PATZ1: variants seen among roughly 807,000 people sequenced by gnomAD.
PATZ1 encodes the protein POZ/BTB and AT hook containing zinc finger 1, also known as POZ-, AT hook-, and zinc finger-containing protein 1.
Under a neutral mutation model 46.2 loss-of-function variants are expected in PATZ1, and 9 were observed. The observed-to-expected ratio is 0.19, with a 90% CI of 0.12 to 0.34. The LOEUF (loss-of-function observed/expected upper bound fraction) is 0.34, where lower values mean the gene tolerates loss of function less well. Ranked by LOEUF, PATZ1 falls within the 10% of genes least tolerant of loss-of-function variation. The pLI, the probability that PATZ1 is intolerant of heterozygous loss-of-function variation, is 1.00. For missense variants in PATZ1, 632 were observed against 923.0 expected, an observed-to-expected ratio of 0.68 and a Z score of 4.08; for synonymous variants, 426 against 378.6, an observed-to-expected ratio of 1.13 and a Z score of -1.45.
chr22:31,331,032 G>A (rs2049434511), intron 3 of PATZ1, among the ~76,000 whole-genome samples: 1 of 152,210 alleles, frequency 6.6e-6, no homozygotes, highest in Non-Finnish European at 1.5e-5. Context: ...GTCTAGACCA[G>A]GTGCTGGTGT....
Position 31,345,108 on chromosome 22 carries a change from T to C in PATZ1, c.495A>G (p.Val165=). The change falls in exon 1 of 5, where the codon GTA becomes GTG. Residue 165 remains valine (V), a synonymous_variant. Coordinates refer to ENST00000266269, the MANE Select transcript of PATZ1 (RefSeq NM_014323.3). The surrounding 1 kb of genome is among the most constrained non-coding windows in gnomAD (Gnocchi z 7.4). ...GCATTATATCGGCGCGGGCAGGGGG[T>C]ACCAGGATCTGTACGTTGGACTGTT... ...VIKQSNVQIL[V]PPARADIMLF... is the part of the protein sequence containing the mutation. 3 of 1,614,036 alleles carry C rather than the reference T, an allele frequency of 1.9e-6. No individual in the cohort carries two copies. The highest frequency in any genetic ancestry group is 2.5e-6 in the Non-Finnish European group (3 of 1,180,000).
intron 2 of PATZ1, among the ~76,000 whole-genome samples, chr22:31,336,388 CA>C (rs1292559970): frequency 1.3e-5 from 2 of 152,122 alleles, no homozygotes; most frequent in Admixed American, 6.6e-5. Context: ...AAAGGCAGGA[CA>C]AAGTGCAGAG....
In PATZ1 at chr22:31,325,893, T is replaced by C. The variant is rs2049366440; in HGVS notation, c.*998A>G. The C allele has an allele frequency of 4.8e-6, 1 of 209,820 alleles. No homozygotes were observed. The allele number at this position is 209,820 out of a possible 1,614,324, so 13.0% of individuals were successfully genotyped here. On this transcript the variant is annotated 3_prime_UTR_variant, in exon 5 of 5. Coordinates refer to ENST00000266269, the MANE Select transcript of PATZ1 (RefSeq NM_014323.3). ...TGGGCTTGCTCACATGTGACACAAC[T>C]GAGGTACACAATGTCCCTACCTGCC... is the stretch of plus-strand genomic sequence containing the variant.
At chr22:31,336,557 C>T (rs2049512031) in intron 2 of PATZ1, among the ~76,000 whole-genome samples, 2 of 151,992 alleles carry the variant, frequency 1.3e-5, no homozygotes, top group African/African-American at 2.4e-5. Context: ...GTAATCCCAG[C>T]GCTTTGGGAG....
chr22:31,342,890 C>T lies in PATZ1; in HGVS notation c.1335+7G>A. 6.2e-7 allele frequency: 1 copy of T among 1,613,860 alleles called. No homozygotes were observed. Among genetic ancestry groups the T allele is most frequent in the Non-Finnish European group, 8.5e-7 (1 of 1,179,812 alleles). On this transcript the variant is annotated splice_region_variant and intron_variant, in intron 2 of 4. Transcript: ENST00000266269. ...TCAGCCCATCTCTGCCCTGACCCAG[C>T]CCCTACCTGACACTTGTGAGGCCGC... is the stretch of plus-strand genomic sequence containing the variant.
chr22:31,339,085 G>A (rs2049548267), intron 2 of PATZ1, among the ~76,000 whole-genome samples: 1 of 152,128 alleles, frequency 6.6e-6, no homozygotes, highest in Non-Finnish European at 1.5e-5. Context: ...GTCATGCTTT[G>A]CTACCTAAAG....
Position 31,343,222 on chromosome 22 carries a change from C to T in PATZ1, c.1272-262G>A. 8.2e-6 allele frequency: 10 copies of T among 1,225,360 alleles called. No individual in the cohort carries two copies. In the South Asian group the frequency reaches 1.8e-4, roughly 22 times the overall value. 75.9% of individuals were successfully genotyped at this position (1,225,360 alleles called of 1,614,324 possible). ...TGCCTCCCCACTCCCTCAATTCTCC[C>T]CACCAGAAACTCAGTGTTTTCTAGG... On this transcript the variant is annotated intron_variant, in intron 1 of 4. Transcript: ENST00000266269.
Position 31,345,335 on chromosome 22 carries a change from C to T in PATZ1, c.268G>A (p.Ala90Thr). 5.0e-6 allele frequency: 8 copies of T among 1,609,396 alleles called. No individual in the cohort carries two copies. Among genetic ancestry groups the T allele is most frequent in the Non-Finnish European group, 6.8e-6 (8 of 1,177,376 alleles). Reference protein sequence around the residue: ...ADGGPADVGGATAAPGGGAGG... With the variant: ...ADGGPADVGGTTAAPGGGAGG... ...GCCCCGCCGCCTGGTGCTGCCGTCG[C>T]GCCCCCTACATCAGCCGGACCCCCG... Residue 90 changes from alanine (A) to threonine (T), a missense_variant, in exon 1 of 5, where the codon GCG becomes ACG. Physicochemically the swap from Ala to Thr is moderately conservative, Grantham distance 58. Transcript: ENST00000266269. The surrounding 1 kb of genome is among the most constrained non-coding windows in gnomAD (Gnocchi z 7.4).
At position 31,328,542 on chromosome 22, in the gene PATZ1, A is replaced by G. The variant is rs1264771725; in HGVS notation, c.1645+245T>C. On this transcript the variant is annotated intron_variant, in intron 4 of 4. Coordinates refer to ENST00000266269, the MANE Select transcript of PATZ1 (RefSeq NM_014323.3). The surrounding 1 kb of genome is among the most constrained non-coding windows in gnomAD (Gnocchi z 4.8). ...AGACAGTGGGGGCTGGCCAGGAGGA[A>G]AGGAGGAGGGCTGGGGAAGAGGAGG... Among the ~76,000 whole-genome samples, 1 of 152,142 alleles carries G rather than the reference A, an allele frequency of 6.6e-6. No individual in the cohort carries two copies. Among genetic ancestry groups the G allele is most frequent in the Admixed American group, 6.5e-5 (1 of 15,268 alleles).
intron 2 of PATZ1, 79 bp downstream of exon 2, chr22:31,342,818 G>A (rs2049599661): frequency 7.3e-6 from 11 of 1,510,528 alleles, no homozygotes; most frequent in Admixed American, 3.5e-5. Flanking sequence ...CCCGGCACAC[G>A]CAGCGGCTGG....
intron 2 of PATZ1, among the ~76,000 whole-genome samples, chr22:31,338,324 G>A (rs764369116): frequency 6.6e-6 from 1 of 152,222 alleles, no homozygotes; most frequent in Non-Finnish European, 1.5e-5. Context: ...ATTCAGGAGA[G>A]GGAGCTTCTG....
chr22:31,332,305 G>A (rs2049453678), intron 3 of PATZ1, among the ~76,000 whole-genome samples: 1 of 152,200 alleles, frequency 6.6e-6, no homozygotes, highest in African/African-American at 2.4e-5. Flanking sequence ...CAGAAGCTGA[G>A]CTTCTGAGCA....
rs528861527 is a variant in PATZ1, at chr22:31,337,727, G to A, written c.1336-1864C>T. 6 of 152,304 alleles carry A rather than the reference G, an allele frequency of 3.9e-5. No individual in the cohort carries two copies. In the South Asian group the frequency reaches 1.2e-3, roughly 32 times the overall value. 9.4% of individuals were successfully genotyped at this position (152,304 alleles called of 1,614,324 possible). A position where few individuals can be genotyped will look rare whatever the true frequency, so the allele number is the denominator to read the frequency against. On this transcript the variant is annotated intron_variant, in intron 2 of 4. Transcript: ENST00000266269. ...ACAGATCAAATGGTAACCCACTGAAGACCACCCCATTACCTTGTGCTAGAA... is the reference window on the plus strand; with the variant it reads ...ACAGATCAAATGGTAACCCACTGAAAACCACCCCATTACCTTGTGCTAGAA...
intron 2 of PATZ1, chr22:31,340,798 C>T: frequency 1.9e-6 from 2 of 1,058,352 alleles, no homozygotes; most frequent in Non-Finnish European, 2.3e-6. Flanking sequence ...GCCCCCAAAG[C>T]CATATATTGG....
At position 31,346,103 on chromosome 22, in the gene PATZ1, C is replaced by G. The variant is rs932223081; in HGVS notation, c.-501G>C. ...GTCCCCTGCAAAGCGCGAGCCGGGG[C>G]GGGGGCGCCGGAGCGGAGGAAACAA... On this transcript the variant is annotated 5_prime_UTR_variant, in exon 1 of 5. Transcript: ENST00000266269. 2 of 152,320 alleles carry G rather than the reference C, an allele frequency of 1.3e-5. No homozygotes were observed. Among genetic ancestry groups the G allele is most frequent in the African/African-American group, 2.4e-5 (1 of 41,044 alleles). 9.4% of individuals were successfully genotyped at this position (152,320 alleles called of 1,614,324 possible). A position where few individuals can be genotyped will look rare whatever the true frequency, so the allele number is the denominator to read the frequency against.
Position 31,344,956 on chromosome 22 carries a change from G to C in PATZ1, c.647C>G (p.Ala216Gly), listed in dbSNP as rs767733108. 64 of 1,613,650 alleles carry C rather than the reference G, an allele frequency of 4.0e-5. No individual in the cohort carries two copies. The highest frequency in any genetic ancestry group is 5.2e-5 in the Non-Finnish European group (61 of 1,180,052). ...GGCTTGGCCTGCAATGGCTGCACCA[G>C]CCGCCCGAGCTGCCTCCTCCTCTGG... is the stretch of plus-strand genomic sequence containing the variant. ...MQPEEEAARA[A>G]GAAIAGQASL... Residue 216 changes from alanine (A) to glycine (G), a missense_variant, in exon 1 of 5, where the codon GCT becomes GGT. This residue lies in a region of PATZ1 where 279 missense variants were observed against 284.3 expected (regional missense o/e 0.98). Transcript: ENST00000266269.
Position 31,328,390 on chromosome 22 carries a change from AGAG to A in PATZ1, c.1645+394_1645+396del, listed in dbSNP as rs1290822610. 6.6e-6 allele frequency among the ~76,000 whole-genome samples: 1 copy of A among 152,172 alleles called. No homozygotes were observed. The highest frequency in any genetic ancestry group is 1.5e-5 in the Non-Finnish European group (1 of 68,022). On this transcript the variant is annotated intron_variant, in intron 4 of 4. Transcript: ENST00000266269. This position sits in a 1 kb window ranked among gnomAD's most constrained non-coding sequence, Gnocchi z 4.8. ...GCTCCCACCGGCCCACTGGGTCAAA[AGAG>A]GAGAAAGCATTCAGCCGCAGCTCCA...
chr22:31,344,682 G>C lies in PATZ1; in HGVS notation c.921C>G (p.Leu307=), dbSNP rs41282569. Residue 307 remains leucine (L), a synonymous_variant, in exon 1 of 5, where the codon CTC becomes CTG. Coordinates refer to ENST00000266269, the MANE Select transcript of PATZ1 (RefSeq NM_014323.3). ...CGKVFTDANR[L]RQHEAQHGVT... The stretch of plus-strand genomic sequence containing the variant: ...CACCGTGCTGGGCCTCGTGCTGCCG[G>C]AGCCGGTTGGCATCAGTGAACACCT... The C allele has an allele frequency of 5.6e-4, 897 of 1,613,940 alleles. 4 individuals carry two copies. In the African/African-American group the frequency reaches 9.7e-3, roughly 17 times the overall value.
chr22:31,332,495 C>T (rs577460723), intron 3 of PATZ1, among the ~76,000 whole-genome samples: 13 of 152,230 alleles, frequency 8.5e-5, no homozygotes, highest in African/African-American at 3.1e-4. Flanking sequence ...ACTCCAGAGA[C>T]GATGGTCTTA....
Sources: allele counts gnomAD v4.1 joint callset (sites outside exome capture counted in the v4.1 genomes callset), GRCh38; gene constraint gnomAD v4.1.1; regional missense constraint gnomAD v4.1.1; non-coding constraint Gnocchi (gnomAD v3.1); transcripts MANE v1.5; gene names NCBI Gene and HGNC (gene_info 2026-07-23, HGNC 2026-07-21).